RPS6KA5: variants seen among roughly 807,000 people sequenced by gnomAD.
RPS6KA5 encodes ribosomal protein S6 kinase alpha-5.
In RPS6KA5, 27 loss-of-function variants were observed where a neutral mutation model predicts 85.5. The ratio of observed to expected loss-of-function variants is 0.32; its 90% CI spans 0.23 to 0.44. RPS6KA5 has a LOEUF of 0.44. RPS6KA5 is among the 20% of genes least tolerant of loss of function. The pLI, the probability that RPS6KA5 is intolerant of heterozygous loss-of-function variation, is 1.00. For synonymous variants in RPS6KA5, 334 were observed against 348.2 expected (o/e 0.96, Z 0.46); for missense variants, 811 against 980.9 (o/e 0.83, Z 2.31).
intron 1 of RPS6KA5, among the ~76,000 whole-genome samples, chr14:91,015,797 T>C (rs2041463724): frequency 1.3e-5 from 2 of 152,244 alleles, no homozygotes; most frequent in African/African-American, 4.8e-5. Flanking sequence ...TACAGCCAAC[T>C]CATTTTTCAA....
intron 1 of RPS6KA5, among the ~76,000 whole-genome samples, chr14:91,057,276 T>C (rs1466866432): frequency 6.6e-6 from 1 of 152,140 alleles, no homozygotes; most frequent in Non-Finnish European, 1.5e-5. Context: ...TTCTTCAGCT[T>C]TTACAGTCAC....
chr14:91,044,405 GA>G (rs1355092571), intron 1 of RPS6KA5, among the ~76,000 whole-genome samples: 3,148 of 91,736 alleles, frequency 0.034, 82 homozygotes, highest in East Asian at 0.1. Flanking sequence ...AAGAAAGAAA[GA>G]AAGAAAGAAA....
intron 2 of RPS6KA5, among the ~76,000 whole-genome samples, chr14:90,982,452 A>T (rs2039836357): frequency 6.6e-6 from 1 of 152,142 alleles, no homozygotes; most frequent in East Asian, 1.9e-4. Flanking sequence ...ACAGAGCATG[A>T]TCCTGTCTCC....
intron 1 of RPS6KA5, among the ~76,000 whole-genome samples, chr14:91,032,297 A>G (rs917394657): frequency 2.0e-5 from 3 of 152,242 alleles, no homozygotes; most frequent in Admixed American, 6.5e-5. Flanking sequence ...AGCCTGCCAG[A>G]GCAGAAAGAG....
At chr14:90,926,346 G>A (rs983748744) in intron 5 of RPS6KA5, among the ~76,000 whole-genome samples, 39 of 148,176 alleles carry the variant, frequency 2.6e-4, no homozygotes, top group Admixed American at 5.4e-4. Flanking sequence ...AGCAGAGATC[G>A]CACCATTCAA....
In RPS6KA5 at chr14:90,861,657, T is replaced by A. The variant is rs534195466; in HGVS notation, c.*10417A>T. The stretch of plus-strand genomic sequence containing the variant: ...GGGAATACCTGTAATCCCAGCACTT[T>A]GGGAGGCTGAGGTGGGCAGATCACG... On this transcript the variant is annotated 3_prime_UTR_variant, in exon 17 of 17. Coordinates refer to ENST00000614987, the MANE Select transcript of RPS6KA5 (RefSeq NM_004755.4). The A allele has an allele frequency of 6.6e-6, 1 of 152,128 alleles. No individual in the cohort carries two copies. The highest frequency in any genetic ancestry group is 2.4e-5 in the African/African-American group (1 of 41,462). The allele number at this position is 152,128 out of a possible 1,614,324, so 9.4% of individuals were successfully genotyped here. A position where few individuals can be genotyped will look rare whatever the true frequency, so the allele number is the denominator to read the frequency against.
rs747695262 is a variant in RPS6KA5, at chr14:90,894,538, A to G, written c.1519T>C (p.Phe507Leu). 3 of 1,614,018 alleles carry G rather than the reference A, an allele frequency of 1.9e-6. No homozygotes were observed. The highest frequency in any genetic ancestry group is 2.7e-5 in the African/African-American group (2 of 74,922). Residue 507 changes from phenylalanine to leucine, a missense_variant, in exon 13 of 17, where the codon TTT becomes CTT. Physicochemically the swap from Phe to Leu is conservative, Grantham distance 22. Around this residue, in one of 3 missense-constraint regions of RPS6KA5, gnomAD observed 650 missense variants for 793.4 expected, o/e 0.82. Transcript: ENST00000614987. ...TGCTTCTTTTTCTTAATGCGCTCAA[A>G]CAGTTCTCCTCCATTCAGAAGTTCC... ...VMELLNGGEL[F>L]ERIKKKKHFS... is the part of the protein sequence containing the mutation.
chr14:90,888,070 T>C (rs892264215), intron 14 of RPS6KA5, among the ~76,000 whole-genome samples: 7 of 152,136 alleles, frequency 4.6e-5, no homozygotes, highest in Non-Finnish European at 1.0e-4. Flanking sequence ...TTTACCTTTT[T>C]TTACCATTTA....
At chr14:90,982,903 G>A (rs986372646) in intron 2 of RPS6KA5, among the ~76,000 whole-genome samples, 2 of 152,178 alleles carry the variant, frequency 1.3e-5, no homozygotes, top group Non-Finnish European at 2.9e-5. Flanking sequence ...CATGAGGTCA[G>A]GAGATGGAGA....
chr14:91,040,920 T>C (rs10150958), intron 1 of RPS6KA5, among the ~76,000 whole-genome samples: 2,339 of 152,248 alleles, frequency 0.015, 69 homozygotes, highest in African/African-American at 0.053. Flanking sequence ...TTCAGTGGAG[T>C]GCTTGAGATG....
intron 7 of RPS6KA5, 46 bp downstream of exon 7, chr14:90,920,160 T>C: frequency 8.4e-7 from 1 of 1,190,684 alleles, no homozygotes; most frequent in Non-Finnish European, 1.3e-6. Flanking sequence ...ATGTGATCAG[T>C]TCCTTTGAGA....
At chr14:91,057,384 A>T (rs2043367045) in intron 1 of RPS6KA5, among the ~76,000 whole-genome samples, 1 of 152,200 alleles carries the variant, frequency 6.6e-6, no homozygotes, top group Non-Finnish European at 1.5e-5. Context: ...CAGTGAATCC[A>T]TTCAACAAAT....
intron 1 of RPS6KA5, among the ~76,000 whole-genome samples, chr14:91,036,214 G>A (rs944738142): frequency 1.3e-5 from 2 of 152,202 alleles, no homozygotes; most frequent in Non-Finnish European, 2.9e-5. Flanking sequence ...AACCTGTATG[G>A]ACAGTTAAGA....
At chr14:90,893,368 G>T (rs1214263614) in intron 13 of RPS6KA5, among the ~76,000 whole-genome samples, 1 of 152,070 alleles carries the variant, frequency 6.6e-6, no homozygotes, top group African/African-American at 2.4e-5. Flanking sequence ...GTGAATAATG[G>T]TAATAGAAAA....
rs569395750 is a variant in RPS6KA5, at chr14:90,939,765, T to C, written c.618+3313A>G. 4.0e-3 allele frequency among the ~76,000 whole-genome samples: 606 copies of C among 152,164 alleles called. 7 individuals carry two copies. The highest frequency in any genetic ancestry group is 0.014 in the African/African-American group (567 of 41,522). ...TCCCCACCAGGTCCTTCCCACAACATGTGGGAATTCAAGATGAGATTTGGG... is the reference window on the plus strand; with the variant it reads ...TCCCCACCAGGTCCTTCCCACAACACGTGGGAATTCAAGATGAGATTTGGG... On this transcript the variant is annotated intron_variant, in intron 5 of 16. Transcript: ENST00000614987.
intron 1 of RPS6KA5, among the ~76,000 whole-genome samples, chr14:91,041,267 T>C (rs953794244): frequency 6.6e-6 from 1 of 152,224 alleles, no homozygotes; most frequent in African/African-American, 2.4e-5. Flanking sequence ...AATATGTATT[T>C]AGTCTCTCAT....
chr14:90,910,117 G>C (rs1276526675), intron 7 of RPS6KA5, among the ~76,000 whole-genome samples: 2 of 151,962 alleles, frequency 1.3e-5, no homozygotes, highest in Non-Finnish European at 2.9e-5. Context: ...AGATCGCATA[G>C]CAAAAGGCCA....
intron 1 of RPS6KA5, among the ~76,000 whole-genome samples, chr14:91,018,118 A>G (rs1466055146): frequency 1.3e-5 from 2 of 152,228 alleles, no homozygotes; most frequent in African/African-American, 4.8e-5. Context: ...GTCACCTCCC[A>G]GGTAAAAAAC....
In RPS6KA5 at chr14:90,850,482, CAG is replaced by C. The variant is rs1180148283; in HGVS notation, c.*21590_*21591del. The C allele has an allele frequency of 1.3e-4, 14 of 107,738 alleles. No homozygotes were observed. Among genetic ancestry groups the C allele is most frequent in the Non-Finnish European group, 2.1e-4 (11 of 51,458 alleles). The allele number at this position is 107,738 out of a possible 1,614,324, so 6.7% of individuals were successfully genotyped here. ...ACCATACAAAAAAAAAAAAAAAAAA[CAG>C]AAAATATTACATAACCAGGCCTTTT... On this transcript the variant is annotated 3_prime_UTR_variant, in exon 17 of 17. Transcript: ENST00000614987.
Sources: gnomAD v4.1 joint callset for allele counts (sites outside exome capture counted in the v4.1 genomes callset) on GRCh38, gnomAD v4.1.1 for gene constraint, gnomAD v4.1.1 regional missense constraint, MANE v1.5 for transcripts, NCBI Gene and HGNC (gene_info 2026-07-23, HGNC 2026-07-21) for gene names.